Variants in FNIP1 observed in about 807,000 individuals in gnomAD.
FNIP1 encodes folliculin-interacting protein 1.
Under a neutral mutation model 124.5 loss-of-function variants are expected in FNIP1, and 40 were observed. That is an observed-to-expected ratio of 0.32 (90% confidence interval 0.25 to 0.42). The LOEUF is 0.42. FNIP1 is among the 10% of genes least tolerant of loss of function. The pLI, the probability that FNIP1 is intolerant of heterozygous loss-of-function variation, is 1.00. For missense variants in FNIP1, 1,176 were observed against 1,403.7 expected, an observed-to-expected ratio of 0.84 and a Z score of 2.59; for synonymous variants, 472 against 470.6, an observed-to-expected ratio of 1.00 and a Z score of -0.04.
At chr5:131,680,735 C>T (rs1160254363) in intron 11 of FNIP1, among the ~76,000 whole-genome samples, 1 of 152,096 alleles carries the variant, frequency 6.6e-6, no homozygotes, top group African/African-American at 2.4e-5. Flanking sequence ...GCCTGGGGAA[C>T]ACAGTGAGAC....
In FNIP1 at chr5:131,721,416, T is replaced by A. The variant is rs550382342; in HGVS notation, c.355-1999A>T. Among the ~76,000 whole-genome samples, 38 of 152,318 alleles carry A rather than the reference T, an allele frequency of 2.5e-4. 3 individuals carry two copies. The South Asian group carries it at 7.9e-3, about 32-fold the overall frequency. On this transcript the variant is annotated intron_variant, in intron 3 of 17. Coordinates refer to ENST00000510461, the MANE Select transcript of FNIP1 (RefSeq NM_133372.3). ...TTGAATAAGCTCTAGAAATCTATAG[T>A]GTAACACTGTACATGTAGAAAACAA...
At chr5:131,688,826 A>G (rs1768375859) in intron 11 of FNIP1, among the ~76,000 whole-genome samples, 1 of 151,958 alleles carries the variant, frequency 6.6e-6, no homozygotes, top group Admixed American at 6.6e-5. Flanking sequence ...CGAAACTGAA[A>G]AGCCAAGAGA....
intron 15 of FNIP1, among the ~76,000 whole-genome samples, chr5:131,658,781 T>C (rs1026310371): frequency 6.6e-6 from 1 of 151,616 alleles, no homozygotes; most frequent in Non-Finnish European, 1.5e-5. Flanking sequence ...ATATTTGGAA[T>C]GACTATTAGA....
chr5:131,699,684 C>T (rs576948912), intron 10 of FNIP1, among the ~76,000 whole-genome samples: 18 of 151,426 alleles, frequency 1.2e-4, no homozygotes, highest in African/African-American at 4.1e-4. Context: ...GAGCCACTGC[C>T]CCCAGCCCTG....
chr5:131,731,947 G>A (rs1029791369), intron 2 of FNIP1, among the ~76,000 whole-genome samples: 4 of 152,280 alleles, frequency 2.6e-5, no homozygotes, highest in African/African-American at 7.2e-5. Context: ...TTATTCTTTC[G>A]AAATGAGAAT....
intron 5 of FNIP1, among the ~76,000 whole-genome samples, chr5:131,718,077 A>G (rs186465906): frequency 8.5e-4 from 128 of 151,068 alleles, no homozygotes; most frequent in African/African-American, 3.1e-3. Flanking sequence ...CTGTAGTCCC[A>G]CCTACTCTGG....
chr5:131,733,969 T>C (rs1770195426), intron 2 of FNIP1, among the ~76,000 whole-genome samples: 1 of 152,206 alleles, frequency 6.6e-6, no homozygotes, highest in African/African-American at 2.4e-5. Flanking sequence ...TGGACTTTTT[T>C]TGATTGGTAA....
At position 131,710,632 on chromosome 5, in the gene FNIP1, C is replaced by G. The variant is rs763095383; in HGVS notation, c.652G>C (p.Ala218Pro). Residue 218 changes from alanine to proline, a missense_variant, in exon 7 of 18, where the codon GCA (alanine) becomes CCA (proline). Ala to Pro is a conservative substitution (Grantham distance 27). Around this residue, in one of 2 missense-constraint regions of FNIP1, gnomAD observed 1,109 missense variants for 1,288.5 expected, o/e 0.86. Transcript: ENST00000510461. ...GLSQFCSPRRAFSEQGPLRLI... is the reference protein window; with the variant it reads ...GLSQFCSPRRPFSEQGPLRLI... The stretch of plus-strand genomic sequence containing the variant: ...CGGAGCGGACCCTGCTCAGAGAATG[C>G]CCGCCTGGGGCTGCAGAACTGTGAA... 3.3e-5 allele frequency: 54 copies of G among 1,613,722 alleles called. No homozygotes were observed. The South Asian group carries it at 5.8e-4, about 17-fold the overall frequency.
intron 11 of FNIP1, among the ~76,000 whole-genome samples, chr5:131,697,536 G>C (rs1035388839): frequency 6.6e-6 from 1 of 152,088 alleles, no homozygotes; most frequent in Non-Finnish European, 1.5e-5. Flanking sequence ...TGTTGAAATA[G>C]ATTTATTTAG....
chr5:131,709,455 T>G (rs1412904817), intron 7 of FNIP1, among the ~76,000 whole-genome samples, 183 bp from the exon 8 acceptor site: 2 of 152,140 alleles, frequency 1.3e-5, no homozygotes, highest in Non-Finnish European at 2.9e-5. Context: ...GAGAGCTCTG[T>G]GAAGATTTGA....
Position 131,686,160 on chromosome 5 carries a change from T to C in FNIP1, c.1203-6985A>G, listed in dbSNP as rs552857647. On this transcript the variant is annotated intron_variant, in intron 11 of 17. Coordinates refer to ENST00000510461, the MANE Select transcript of FNIP1 (RefSeq NM_133372.3). ...CAATAAAACACACAGACACCTTCGTTTGCATATATAATCACTCTGAAGAAT... is the reference window on the plus strand; with the variant it reads ...CAATAAAACACACAGACACCTTCGTCTGCATATATAATCACTCTGAAGAAT... 5.3e-5 allele frequency among the ~76,000 whole-genome samples: 8 copies of C among 152,344 alleles called. No homozygotes were observed. The South Asian group carries it at 1.7e-3, about 32-fold the overall frequency.
intron 11 of FNIP1, among the ~76,000 whole-genome samples, chr5:131,685,075 T>C (rs1768228776): frequency 6.6e-6 from 1 of 152,226 alleles, no homozygotes; most frequent in African/African-American, 2.4e-5. Flanking sequence ...ATAATAATTC[T>C]GGTGTAAACA....
intron 13 of FNIP1, among the ~76,000 whole-genome samples, chr5:131,676,622 G>A (rs1326619416): frequency 6.6e-6 from 1 of 152,082 alleles, no homozygotes; most frequent in East Asian, 2.0e-4. Flanking sequence ...AGCCTGGTGT[G>A]GTGTTACGCG....
At chr5:131,729,744 AT>A (rs112311426) in intron 3 of FNIP1, among the ~76,000 whole-genome samples, 190 of 148,648 alleles carry the variant, frequency 1.3e-3, no homozygotes, top group African/African-American at 4.1e-3. Context: ...CACACAGCTA[AT>A]TTTTTTTTTC....
chr5:131,684,726 G>C (rs1266279308), intron 11 of FNIP1, among the ~76,000 whole-genome samples: 1 of 152,094 alleles, frequency 6.6e-6, no homozygotes, highest in African/African-American at 2.4e-5. Flanking sequence ...TGTTTGGAGG[G>C]AGTCTTATGA....
At chr5:131,654,117 C>G (rs1380977945) in intron 15 of FNIP1, among the ~76,000 whole-genome samples, 1 of 152,190 alleles carries the variant, frequency 6.6e-6, no homozygotes, top group African/African-American at 2.4e-5. Context: ...AATATTTTGA[C>G]TCATATATAC....
chr5:131,780,602 AC>A (rs1294340429), intron 1 of FNIP1, among the ~76,000 whole-genome samples: 2 of 151,914 alleles, frequency 1.3e-5, no homozygotes, highest in Non-Finnish European at 2.9e-5. Context: ...AATATTTCAA[AC>A]TTTTTCATTA....
chr5:131,663,440 T>A (rs554578749), intron 15 of FNIP1, among the ~76,000 whole-genome samples: 142 of 152,260 alleles, frequency 9.3e-4, no homozygotes, highest in African/African-American at 3.3e-3. Flanking sequence ...TAAAGAAAAA[T>A]AAGCGCTTGA....
At chr5:131,786,773 C>T (rs760044609) in intron 1 of FNIP1, among the ~76,000 whole-genome samples, 28 of 152,288 alleles carry the variant, frequency 1.8e-4, no homozygotes, top group Admixed American at 4.6e-4. Context: ...CTCTTGCCCA[C>T]GTGATGCCTT....
Sources: allele counts gnomAD v4.1 joint callset (sites outside exome capture counted in the v4.1 genomes callset), GRCh38; gene constraint gnomAD v4.1.1; regional missense constraint gnomAD v4.1.1; transcripts MANE v1.5; gene names NCBI Gene and HGNC (gene_info 2026-07-23, HGNC 2026-07-21).